LINGO2: variants seen among roughly 807,000 people sequenced by gnomAD.
The protein encoded by LINGO2 is leucine-rich repeat and immunoglobulin-like domain-containing nogo receptor-interacting protein 2.
LINGO2 carries 14 observed loss-of-function variants against 30.6 expected under a neutral mutation model. The observed-to-expected ratio is 0.46, with a 90% CI of 0.30 to 0.72. LINGO2 has a LOEUF of 0.72. Among genes scored for constraint, LINGO2 ranks in the 30% least tolerant of loss-of-function variants. LINGO2 has a pLI of 0.07. For synonymous variants in LINGO2, 317 were observed against 288.5 expected (o/e 1.10, Z -1.00); for missense variants, 729 against 751.7 (o/e 0.97, Z 0.35).
intron 4 of LINGO2, among the ~76,000 whole-genome samples, chr9:28,092,840 T>A (rs1027285169): frequency 6.6e-6 from 1 of 152,118 alleles, no homozygotes; most frequent in African/African-American, 2.4e-5. Context: ...ATAGTGAACA[T>A]TTTATGACAT....
At chr9:28,310,465 CTCT>C (rs1346651125) in intron 3 of LINGO2, among the ~76,000 whole-genome samples, 2 of 152,148 alleles carry the variant, frequency 1.3e-5, no homozygotes, top group Non-Finnish European at 2.9e-5. Context: ...AGAATGTATA[CTCT>C]TCAACTCCAT....
the LINGO2 span, among the ~76,000 whole-genome samples, chr9:29,039,757 G>C: frequency 1.3e-5 from 2 of 152,108 alleles, no homozygotes; most frequent in Non-Finnish European, 2.9e-5. Flanking sequence ...GCCAGCTATG[G>C]GCTGGCTGCT....
At chr9:28,827,251 T>C in the LINGO2 span, among the ~76,000 whole-genome samples, 1 of 152,170 alleles carries the variant, frequency 6.6e-6, no homozygotes, top group Non-Finnish European at 1.5e-5. Context: ...CCAATATTCA[T>C]GGTAACTAGT....
chr9:28,010,611 C>T (rs1392337009), intron 5 of LINGO2, among the ~76,000 whole-genome samples: 1 of 152,192 alleles, frequency 6.6e-6, no homozygotes, highest in East Asian at 1.9e-4. Flanking sequence ...CAAATAGCCA[C>T]AGAGCACCAT....
intron 3 of LINGO2, among the ~76,000 whole-genome samples, chr9:28,314,933 C>G (rs1322312127): frequency 2.0e-5 from 3 of 148,736 alleles, no homozygotes; most frequent in African/African-American, 7.5e-5. Flanking sequence ...TGCAGTGAGC[C>G]GAGATGGCGG....
At chr9:28,386,382 C>A (rs1484408088) in intron 2 of LINGO2, among the ~76,000 whole-genome samples, 1 of 152,150 alleles carries the variant, frequency 6.6e-6, no homozygotes, top group Non-Finnish European at 1.5e-5. Flanking sequence ...CAATTTCCCT[C>A]TGATTCATAT....
At chr9:28,397,541 G>GTTTT (rs1298977559) in intron 2 of LINGO2, among the ~76,000 whole-genome samples, 3 of 127,342 alleles carry the variant, frequency 2.4e-5, no homozygotes, top group Non-Finnish European at 3.3e-5. Context: ...TACAATAGAT[G>GTTTT]TCTTTTTTTT....
At chr9:28,928,008 C>A in the LINGO2 span, among the ~76,000 whole-genome samples, 3 of 152,224 alleles carry the variant, frequency 2.0e-5, no homozygotes, top group South Asian at 2.1e-4. Flanking sequence ...CTACAATGTG[C>A]CAGAAAGTAG....
the LINGO2 span, among the ~76,000 whole-genome samples, chr9:28,876,499 T>C: frequency 2.0e-5 from 3 of 151,348 alleles, no homozygotes; most frequent in Non-Finnish European, 4.4e-5. Context: ...GAACACGTGG[T>C]GTTTGGTTTT....
chr9:28,244,336 G>C (rs1263301116), intron 4 of LINGO2, among the ~76,000 whole-genome samples: 1 of 152,152 alleles, frequency 6.6e-6, no homozygotes, highest in Non-Finnish European at 1.5e-5. Context: ...GTTTTAAGAG[G>C]GAAATTGATA....
chr9:28,153,884 T>G (rs1287633738), intron 4 of LINGO2, among the ~76,000 whole-genome samples: 1 of 152,180 alleles, frequency 6.6e-6, no homozygotes, highest in Non-Finnish European at 1.5e-5. Context: ...TGATTAAATT[T>G]CATTAAGGAA....
chr9:28,671,090 A>T (rs2136044378), upstream of LINGO2, among the ~76,000 whole-genome samples: 1 of 152,212 alleles, frequency 6.6e-6, no homozygotes, highest in South Asian at 2.1e-4. Context: ...CATGTTTCCC[A>T]TACACAAATA....
At chr9:28,482,486 G>T (rs867958691) in intron 1 of LINGO2, among the ~76,000 whole-genome samples, 5 of 151,910 alleles carry the variant, frequency 3.3e-5, no homozygotes, top group African/African-American at 1.2e-4. Context: ...TTTTTTTCTT[G>T]TAAATTTGTT....
In LINGO2 at chr9:27,985,312, A is replaced by T. The variant is rs373343800; in HGVS notation, c.-36+27043T>A. Among the ~76,000 whole-genome samples the T allele has an allele frequency of 2.0e-5, 3 of 151,926 alleles. No homozygotes were observed. In the South Asian group the frequency reaches 6.2e-4, roughly 31 times the overall value. ...TTTTAGTCAATCAAAATAGTATTTC[A>T]AATTAAACAGCTCCACAACAAGGCA... On this transcript the variant is annotated intron_variant, in intron 5 of 5. Transcript: ENST00000379992.
the LINGO2 span, among the ~76,000 whole-genome samples, chr9:29,086,935 G>T: frequency 7.0e-6 from 1 of 142,596 alleles, no homozygotes; most frequent in Non-Finnish European, 1.5e-5. Context: ...CTCTGTCACC[G>T]CAATGGCACA....
the LINGO2 span, among the ~76,000 whole-genome samples, chr9:29,083,443 G>C: frequency 1.3e-5 from 2 of 152,038 alleles, no homozygotes; most frequent in Non-Finnish European, 2.9e-5. Flanking sequence ...TGGGGTGAGG[G>C]AGGGGGGATG....
chr9:29,166,505 G>C, the LINGO2 span, among the ~76,000 whole-genome samples: 3 of 152,198 alleles, frequency 2.0e-5, no homozygotes. Context: ...ACCCTGTCTA[G>C]TCAGCTCATC....
intron 3 of LINGO2, among the ~76,000 whole-genome samples, chr9:28,361,455 C>A (rs1469066794): frequency 6.6e-6 from 1 of 152,066 alleles, no homozygotes; most frequent in Non-Finnish European, 1.5e-5. Flanking sequence ...TTTTAAACTT[C>A]TTCTTATGGG....
intron 1 of LINGO2, among the ~76,000 whole-genome samples, chr9:28,574,813 T>C (rs1243532697): frequency 1.3e-5 from 2 of 152,164 alleles, no homozygotes; most frequent in African/African-American, 4.8e-5. Flanking sequence ...TTGAGGGACA[T>C]AAGGCAATTC....
Sources: gnomAD v4.1 joint callset for allele counts (sites outside exome capture counted in the v4.1 genomes callset) on GRCh38, gnomAD v4.1.1 for gene constraint, MANE v1.5 for transcripts, NCBI Gene and HGNC (gene_info 2026-07-23, HGNC 2026-07-21) for gene names.